The following XPNPEP1 variants were observed in gnomAD, a reference collection of about 807,000 sequenced individuals.
XPNPEP1 encodes the protein xaa-Pro aminopeptidase 1.
XPNPEP1 carries 39 observed loss-of-function variants against 92.4 expected under a neutral mutation model. The ratio of observed to expected loss-of-function variants is 0.42; its 90% confidence interval spans 0.33 to 0.55. The LOEUF (loss-of-function observed/expected upper bound fraction) is 0.55. Ranked by LOEUF, XPNPEP1 falls within the 20% of genes least tolerant of loss-of-function variation. The pLI, the probability that XPNPEP1 is intolerant of heterozygous loss-of-function variation, is 0.08. For missense variants in XPNPEP1, 654 were observed against 856.1 expected (o/e 0.76, Z 2.95); for synonymous variants, 307 against 299.4 (o/e 1.03, Z -0.26).
At chr10:109,900,767 T>C (rs1272939132) in intron 3 of XPNPEP1, among the ~76,000 whole-genome samples, 1 of 152,186 alleles carries the variant, frequency 6.6e-6, no homozygotes, top group Non-Finnish European at 1.5e-5. Context: ...TCTAAAATCC[T>C]GATTCTGGTG....
chr10:109,919,656 A>G (rs558647475), intron 1 of XPNPEP1, among the ~76,000 whole-genome samples: 61 of 152,378 alleles, frequency 4.0e-4, no homozygotes, highest in African/African-American at 1.3e-3. Context: ...TGTAACAGCC[A>G]AACTGTAGGA....
rs1849189197 is a variant in XPNPEP1 at position 109,899,913 on chromosome 10, C to T, written c.247-6838G>A. 2.0e-5 allele frequency among the ~76,000 whole-genome samples: 3 copies of T among 152,198 alleles called. No homozygotes were observed. The South Asian group carries it at 6.2e-4, about 32-fold the overall frequency. On this transcript the variant is annotated intron_variant, in intron 3 of 20. Transcript: ENST00000502935. ...CTCCTGCTTTGAGGCAAGTGGTGCC[C>T]ACGAATCCCAATATACGACTAGGAT...
intron 1 of XPNPEP1, among the ~76,000 whole-genome samples, chr10:109,916,274 A>G (rs1283286961): frequency 5.3e-5 from 8 of 152,210 alleles, no homozygotes; most frequent in Non-Finnish European, 1.0e-4. Context: ...CTAGGGGAAC[A>G]ATGTTCCAGG....
intron 7 of XPNPEP1, among the ~76,000 whole-genome samples, chr10:109,887,675 A>G (rs1275611733): frequency 1.3e-5 from 2 of 152,244 alleles, no homozygotes; most frequent in Admixed American, 6.5e-5. Context: ...CTAGGAAGGT[A>G]AATCTACAAA....
chr10:109,881,848 G>A (rs1848117270), intron 10 of XPNPEP1, among the ~76,000 whole-genome samples: 1 of 152,070 alleles, frequency 6.6e-6, no homozygotes, highest in African/African-American at 2.4e-5. Context: ...GCTCAGTAAA[G>A]GGCAAGGCTA....
At chr10:109,917,798 G>T (rs1850273698) in intron 1 of XPNPEP1, among the ~76,000 whole-genome samples, 1 of 152,272 alleles carries the variant, frequency 6.6e-6, no homozygotes, top group African/African-American at 2.4e-5. Flanking sequence ...TAACAGTCCA[G>T]AAATAAACCC....
intron 3 of XPNPEP1, among the ~76,000 whole-genome samples, chr10:109,903,368 C>T (rs777288873): frequency 1.3e-5 from 2 of 152,182 alleles, no homozygotes; most frequent in South Asian, 2.1e-4. Flanking sequence ...AGAACCCTTT[C>T]GGAGGAGGGC....
At chr10:109,903,310 T>C (rs1209371679) in intron 3 of XPNPEP1, among the ~76,000 whole-genome samples, 2 of 152,224 alleles carry the variant, frequency 1.3e-5, no homozygotes, top group Non-Finnish European at 2.9e-5. Flanking sequence ...GATTCACAAA[T>C]AGTAGAGCTA....
intron 19 of XPNPEP1, among the ~76,000 whole-genome samples, chr10:109,869,020 T>A (rs1261972014): frequency 6.6e-6 from 1 of 152,178 alleles, no homozygotes; most frequent in Non-Finnish European, 1.5e-5. Flanking sequence ...TATGGGGGTA[T>A]CTGGGCTTAG....
At chr10:109,914,794 T>C (rs1273118952) in intron 2 of XPNPEP1, among the ~76,000 whole-genome samples, 1 of 102,010 alleles carries the variant, frequency 9.8e-6, no homozygotes, top group Non-Finnish European at 1.7e-5. Flanking sequence ...CGAGACTCCG[T>C]CTCAAAAAAA....
chr10:109,867,640 G>C lies in XPNPEP1; in HGVS notation c.1872+974C>G, dbSNP rs1847213247. ...AAGACCCTTTCCTTTACAGTGTCAA[G>C]AACGAGGCCCAAGTGGGCGCCAGTG... On this transcript the variant is annotated intron_variant, in intron 20 of 20. Transcript: ENST00000502935. The surrounding 1 kb of genome is among the most constrained non-coding windows in gnomAD (Gnocchi z 4.5). 6.6e-6 allele frequency among the ~76,000 whole-genome samples: 1 copy of C among 152,224 alleles called. No individual in the cohort carries two copies. The highest frequency in any genetic ancestry group is 2.4e-5 in the African/African-American group (1 of 41,454).
At position 109,891,789 on chromosome 10, in the gene XPNPEP1, C is replaced by T. The variant is rs1848718054; in HGVS notation, c.348G>A (p.Trp116Ter). The T allele has an allele frequency of 6.2e-7, 1 of 1,605,590 alleles. No homozygotes were observed. Among genetic ancestry groups the T allele is most frequent in the South Asian group, 1.1e-5 (1 of 89,300 alleles). ...AIITEEHAAM[W>*]TDGRYFLQAA... is the part of the protein sequence containing the mutation. ...CCTGGAGAAAGTAGCGCCCGTCAGTCCACATGGCTGCATGCTCTTCTGTGA... is the reference window on the plus strand; with the variant it reads ...CCTGGAGAAAGTAGCGCCCGTCAGTTCACATGGCTGCATGCTCTTCTGTGA... Residue 116 changes from tryptophan (W) to a stop codon, truncating the protein, a stop_gained, in exon 5 of 21, where the codon TGG (tryptophan) becomes TGA (stop). Coordinates refer to ENST00000502935, the MANE Select transcript of XPNPEP1 (RefSeq NM_020383.4). LOFTEE classifies it high-confidence loss of function.
At chr10:109,898,699 G>A (rs370215642) in intron 3 of XPNPEP1, among the ~76,000 whole-genome samples, 2 of 152,224 alleles carry the variant, frequency 1.3e-5, no homozygotes, top group Admixed American at 6.5e-5. Context: ...GCCGTCTGAA[G>A]ACAAATAGTC....
intron 4 of XPNPEP1, among the ~76,000 whole-genome samples, chr10:109,892,056 T>G (rs1848733246): frequency 6.6e-6 from 1 of 152,164 alleles, no homozygotes; most frequent in Non-Finnish European, 1.5e-5. Context: ...TACCTGGCAC[T>G]GGTCCCTGCA....
intron 3 of XPNPEP1, 146 bp from the exon 4 acceptor site, chr10:109,893,221 G>A: frequency 4.6e-6 from 3 of 654,050 alleles, no homozygotes; most frequent in Non-Finnish European, 8.1e-6. Context: ...CAGTCTAGCT[G>A]AAAACAACAG....
intron 2 of XPNPEP1, among the ~76,000 whole-genome samples, chr10:109,908,343 G>A (rs570309754): frequency 2.2e-4 from 34 of 152,224 alleles, no homozygotes; most frequent in Admixed American, 1.2e-3. Context: ...AGTGGCTCAC[G>A]CCTTTAATTC....
chr10:109,890,952 TTC>T (rs1379425127), intron 5 of XPNPEP1, among the ~76,000 whole-genome samples: 1 of 152,208 alleles, frequency 6.6e-6, no homozygotes, highest in East Asian at 1.9e-4. Context: ...TTGTTTCATC[TTC>T]TCTTTCTCAC....
chr10:109,895,317 T>C (rs1589598632), intron 3 of XPNPEP1, among the ~76,000 whole-genome samples: 1 of 152,128 alleles, frequency 6.6e-6, no homozygotes, highest in African/African-American at 2.4e-5. Context: ...TTCAGGGACA[T>C]AGTACTCTAG....
chr10:109,922,909 G>C (rs1422725155), intron 1 of XPNPEP1, among the ~76,000 whole-genome samples: 2 of 152,214 alleles, frequency 1.3e-5, no homozygotes, highest in Non-Finnish European at 2.9e-5. Context: ...GGGTAGGGAG[G>C]GGCCCGCGAC....
Sources: allele counts gnomAD v4.1 joint callset (sites outside exome capture counted in the v4.1 genomes callset), GRCh38; gene constraint gnomAD v4.1.1; non-coding constraint Gnocchi (gnomAD v3.1); transcripts MANE v1.5; gene names NCBI Gene and HGNC (gene_info 2026-07-23, HGNC 2026-07-21).